The following IL1RAP variants were observed in gnomAD, a reference collection of about 807,000 sequenced individuals.
IL1RAP encodes interleukin-1 receptor accessory protein.
IL1RAP carries 35 observed loss-of-function variants against 60.7 expected under a neutral mutation model. The ratio of observed to expected loss-of-function variants is 0.58; its 90% CI spans 0.44 to 0.76. The LOEUF (loss-of-function observed/expected upper bound fraction) is 0.76. Ranked by LOEUF, IL1RAP falls within the 30% of genes least tolerant of loss-of-function variation. The pLI is 0.00. For missense variants in IL1RAP, 572 were observed against 693.9 expected (o/e 0.82, Z 1.97); for synonymous variants, 268 against 250.9 (o/e 1.07, Z -0.64).
intron 3 of IL1RAP, among the ~76,000 whole-genome samples, chr3:190,572,968 A>G (rs1207495398): frequency 1.1e-5 from 1 of 88,914 alleles, no homozygotes; most frequent in East Asian, 2.5e-4. Flanking sequence ...GGTTCACGCC[A>G]TTCTCCTGCC....
At chr3:190,612,899 G>A (rs1047719353) in intron 5 of IL1RAP, among the ~76,000 whole-genome samples, 7 of 152,158 alleles carry the variant, frequency 4.6e-5, no homozygotes, top group Non-Finnish European at 8.8e-5. Context: ...TTCATCATAA[G>A]TTAAGGAATA....
intron 5 of IL1RAP, chr3:190,615,440 G>A: frequency 2.3e-6 from 1 of 442,958 alleles, no homozygotes; most frequent in Non-Finnish European, 4.2e-6. Context: ...TCATATTACT[G>A]TATTAATTCT....
At chr3:190,618,998 A>C (rs187625077) in intron 5 of IL1RAP, among the ~76,000 whole-genome samples, 16 of 152,362 alleles carry the variant, frequency 1.1e-4, no homozygotes, top group African/African-American at 3.6e-4. Flanking sequence ...TCATACAAAC[A>C]TTAAAGATGA....
chr3:190,638,993 T>A (rs1733445167), intron 9 of IL1RAP, among the ~76,000 whole-genome samples: 1 of 152,118 alleles, frequency 6.6e-6, no homozygotes, highest in Non-Finnish European at 1.5e-5. Context: ...GTTGTTCTTG[T>A]TTATTTTTGT....
At chr3:190,653,350 G>A (rs778115359), downstream of IL1RAP, among the ~76,000 whole-genome samples, 4 of 152,268 alleles carry the variant, frequency 2.6e-5, no homozygotes, top group African/African-American at 9.6e-5. Flanking sequence ...TCAGCCCTAC[G>A]AGTTTACTTT....
chr3:190,581,256 T>C (rs1727972829), intron 3 of IL1RAP, among the ~76,000 whole-genome samples: 1 of 152,172 alleles, frequency 6.6e-6, no homozygotes, highest in Non-Finnish European at 1.5e-5. Context: ...TCAGTGTCCT[T>C]ATCTATAAAA....
Position 190,604,284 on chromosome 3 carries a change from G to T in IL1RAP, c.221G>T (p.Arg74Met). Residue 74 changes from arginine to methionine, a missense_variant, in exon 4 of 12, where the codon AGG becomes ATG. Physicochemically the swap from Arg to Met is moderately conservative, Grantham distance 91. Coordinates refer to ENST00000447382, the MANE Select transcript of IL1RAP (RefSeq NM_002182.4). ...AGLTLIWYWT[R>M]QDRDLEEPIN... ...CTTACTCTGATCTGGTATTGGACTAGGCAGGACCGGGACCTTGAGGAGCCA... is the reference window on the plus strand; with the variant it reads ...CTTACTCTGATCTGGTATTGGACTATGCAGGACCGGGACCTTGAGGAGCCA... 6.2e-7 allele frequency: 1 copy of T among 1,613,948 alleles called. No individual in the cohort carries two copies. Among genetic ancestry groups the T allele is most frequent in the African/African-American group, 1.3e-5 (1 of 74,970 alleles).
intron 1 of IL1RAP, among the ~76,000 whole-genome samples, chr3:190,535,589 C>T (rs1288592553): frequency 6.6e-6 from 1 of 152,202 alleles, no homozygotes; most frequent in Non-Finnish European, 1.5e-5. Flanking sequence ...CACTTACATT[C>T]ACATTTCTGA....
At chr3:190,572,530 T>G (rs1002286512) in intron 3 of IL1RAP, among the ~76,000 whole-genome samples, 1 of 152,118 alleles carries the variant, frequency 6.6e-6, no homozygotes, top group South Asian at 2.1e-4. Context: ...AAAATAGAGA[T>G]AAAATATTCC....
chr3:190,589,643 T>A (rs1267250214), intron 3 of IL1RAP, among the ~76,000 whole-genome samples: 1 of 152,158 alleles, frequency 6.6e-6, no homozygotes, highest in Non-Finnish European at 1.5e-5. Flanking sequence ...GCACTTTCCT[T>A]TGACTTTGTA....
At chr3:190,619,201 T>C (rs1731543176) in intron 5 of IL1RAP, among the ~76,000 whole-genome samples, 1 of 152,200 alleles carries the variant, frequency 6.6e-6, no homozygotes, top group African/African-American at 2.4e-5. Flanking sequence ...ATTGATTTTT[T>C]TTCTCAAAAA....
intron 1 of IL1RAP, among the ~76,000 whole-genome samples, chr3:190,528,715 C>T (rs1057234017): frequency 1.3e-5 from 2 of 152,146 alleles, no homozygotes; most frequent in African/African-American, 4.8e-5. Flanking sequence ...ACATAATGTA[C>T]TTTGAAAAGA....
chr3:190,553,602 G>A (rs1725085469), intron 1 of IL1RAP, among the ~76,000 whole-genome samples: 1 of 152,118 alleles, frequency 6.6e-6, no homozygotes, highest in Non-Finnish European at 1.5e-5. Flanking sequence ...GGGATGGGAC[G>A]GGGAACGGGG....
intron 9 of IL1RAP, chr3:190,629,845 G>A (rs550808025): frequency 1.0e-6 from 1 of 999,298 alleles, no homozygotes; most frequent in East Asian, 9.7e-5. Flanking sequence ...GCCACATATT[G>A]TTGGTGAATT....
intron 3 of IL1RAP, among the ~76,000 whole-genome samples, chr3:190,600,386 A>G (rs907022165): frequency 2.0e-5 from 3 of 152,196 alleles, no homozygotes; most frequent in Non-Finnish European, 2.9e-5. Context: ...TAACTTTTTT[A>G]TATAGCTGTC....
intron 1 of IL1RAP, among the ~76,000 whole-genome samples, chr3:190,537,681 T>C (rs901475758): frequency 6.6e-6 from 1 of 152,218 alleles, no homozygotes; most frequent in African/African-American, 2.4e-5. Flanking sequence ...CATATCAAAA[T>C]GTAGAATATG....
rs140122538 is a variant in IL1RAP at position 190,656,754 on chromosome 3, A to C, written c.*147A>C. The C allele has an allele frequency of 4.7e-3, 2,737 of 586,868 alleles. 9 individuals are homozygous for C. The highest frequency in any genetic ancestry group is 6.4e-3 in the Non-Finnish European group (2,214 of 347,800). 36.4% of individuals were successfully genotyped at this position (586,868 alleles called of 1,614,324 possible). ...TTTTTAAAAACTATTTATTTCTAGG[A>C]GACAAAAGACCTGAAGGACCTGAAT... On this transcript the variant is annotated 3_prime_UTR_variant, in exon 12 of 12. Transcript: ENST00000317757.
At chr3:190,648,082 A>G (rs148586256) in intron 11 of IL1RAP, among the ~76,000 whole-genome samples, 1 of 152,250 alleles carries the variant, frequency 6.6e-6, no homozygotes, top group African/African-American at 2.4e-5. Context: ...ACACTATACT[A>G]CCTTTTGGCT....
intron 1 of IL1RAP, chr3:190,554,718 CTTG>C (rs1175472623): frequency 1.4e-5 from 2 of 144,584 alleles, no homozygotes; most frequent in East Asian, 2.0e-4. Context: ...CATTTGCTTT[CTTG>C]TTGTTTAGTG....
Sources: allele counts gnomAD v4.1 joint callset (sites outside exome capture counted in the v4.1 genomes callset), GRCh38; gene constraint gnomAD v4.1.1; transcripts MANE v1.5; gene names NCBI Gene and HGNC (gene_info 2026-07-23, HGNC 2026-07-21).